Variants in ZBTB16 observed in about 807,000 individuals in gnomAD.
ZBTB16 encodes zinc finger and BTB domain containing 16, also known as zinc finger and BTB domain-containing protein 16.
A neutral mutation model predicts 56.8 loss-of-function variants in ZBTB16; 8 were observed. The observed-to-expected ratio is 0.14, with a 90% CI of 0.08 to 0.25. The LOEUF (loss-of-function observed/expected upper bound fraction) is 0.25. Ranked by LOEUF, ZBTB16 falls within the 10% of genes least tolerant of loss-of-function variation. ZBTB16 has a pLI of 1.00. For missense variants in ZBTB16, 625 were observed against 903.0 expected, an observed-to-expected ratio of 0.69 and a Z score of 3.95; for synonymous variants, 363 against 368.5, an observed-to-expected ratio of 0.98 and a Z score of 0.17.
At chr11:114,142,042 G>A (rs1941963250) in intron 2 of ZBTB16, among the ~76,000 whole-genome samples, 1 of 152,212 alleles carries the variant, frequency 6.6e-6, no homozygotes, top group Non-Finnish European at 1.5e-5. Context: ...CTCTTGGCTT[G>A]TGCTCAGGAA....
chr11:114,114,245 A>G (rs889219711), intron 2 of ZBTB16, among the ~76,000 whole-genome samples: 1 of 152,240 alleles, frequency 6.6e-6, no homozygotes, highest in African/African-American at 2.4e-5. Flanking sequence ...TGAAAGACAG[A>G]ATAATGGATG....
intron 2 of ZBTB16, among the ~76,000 whole-genome samples, chr11:114,138,668 C>G (rs1198021128): frequency 6.7e-6 from 1 of 149,590 alleles, no homozygotes. Flanking sequence ...CTCCCTTCCT[C>G]TTTTTTAATT....
At chr11:114,077,479 T>G (rs1939613084) in intron 2 of ZBTB16, among the ~76,000 whole-genome samples, 1 of 151,988 alleles carries the variant, frequency 6.6e-6, no homozygotes, top group African/African-American at 2.4e-5. Flanking sequence ...GCATTTTTTT[T>G]TCCTACTGCC....
At chr11:114,151,809 C>G (rs922349086) in intron 2 of ZBTB16, among the ~76,000 whole-genome samples, 2 of 152,214 alleles carry the variant, frequency 1.3e-5, no homozygotes, top group African/African-American at 4.8e-5. Flanking sequence ...GTGGGCCGAG[C>G]TTACCCTGCA....
At chr11:114,231,865 G>C (rs183263333) in intron 4 of ZBTB16, among the ~76,000 whole-genome samples, 6 of 152,276 alleles carry the variant, frequency 3.9e-5, no homozygotes, top group African/African-American at 1.4e-4. Context: ...TATTAGAGTG[G>C]AGAAAAACCC....
intron 1 of ZBTB16, among the ~76,000 whole-genome samples, chr11:114,062,367 T>A (rs1938915432): frequency 6.6e-6 from 1 of 151,794 alleles, no homozygotes. Context: ...CCTCCCAAAG[T>A]GCTGGGATTA....
intron 4 of ZBTB16, among the ~76,000 whole-genome samples, chr11:114,235,629 C>CCTTTCTTTCTTTCTTTCTTT (rs746433237): frequency 6.4e-4 from 63 of 97,846 alleles, no homozygotes; most frequent in South Asian, 2.8e-3. Context: ...CCTCTCCCTT[C>CCTTTCTTTCTTTCTTTCTTT]CTTTCTTTCT....
At chr11:114,138,336 G>T (rs1249517776) in intron 2 of ZBTB16, among the ~76,000 whole-genome samples, 2 of 152,142 alleles carry the variant, frequency 1.3e-5, no homozygotes, top group Non-Finnish European at 2.9e-5. Flanking sequence ...TGGTTGTGGT[G>T]TTCCCCGATG....
intron 2 of ZBTB16, among the ~76,000 whole-genome samples, chr11:114,088,851 T>C (rs550687443): frequency 2.1e-4 from 32 of 152,230 alleles, no homozygotes; most frequent in Admixed American, 2.0e-4. Flanking sequence ...GGCATCTTTA[T>C]TGTGGCAGGA....
At chr11:114,096,772 C>T (rs371552827) in intron 2 of ZBTB16, among the ~76,000 whole-genome samples, 3 of 152,198 alleles carry the variant, frequency 2.0e-5, no homozygotes, top group East Asian at 3.8e-4. Flanking sequence ...TGCGTGGCTT[C>T]CCGCTTCAGC....
intron 4 of ZBTB16, chr11:114,237,367 C>T (rs1027846129): frequency 6.6e-5 from 10 of 152,262 alleles, no homozygotes; most frequent in Admixed American, 6.5e-5. Flanking sequence ...GCTGGGACCC[C>T]TGTGCTGCTT....
chr11:114,126,002 AAAAGG>A (rs1941498609), intron 2 of ZBTB16, among the ~76,000 whole-genome samples: 1 of 152,166 alleles, frequency 6.6e-6, no homozygotes, highest in Non-Finnish European at 1.5e-5. Flanking sequence ...CCTTATTTGT[AAAAGG>A]AGAGTTCTGG....
chr11:114,108,848 T>C (rs1940898486), intron 2 of ZBTB16, among the ~76,000 whole-genome samples: 1 of 152,274 alleles, frequency 6.6e-6, no homozygotes. Context: ...TCCCGATTGC[T>C]TGGCCTGAGC....
chr11:114,180,822 A>G (rs539070285), intron 3 of ZBTB16: 2 of 152,306 alleles, frequency 1.3e-5, no homozygotes, highest in Non-Finnish European at 2.9e-5. Flanking sequence ...GTAAAGCCCA[A>G]GACAGGTGGG....
At chr11:114,245,487 TA>T (rs1280023378) in intron 5 of ZBTB16, among the ~76,000 whole-genome samples, 1 of 152,052 alleles carries the variant, frequency 6.6e-6, no homozygotes, top group Non-Finnish European at 1.5e-5. Context: ...CTCAGAGCCC[TA>T]AAAACCCCTC....
At chr11:114,211,642 G>T (rs943347628) in intron 4 of ZBTB16, among the ~76,000 whole-genome samples, 1 of 152,106 alleles carries the variant, frequency 6.6e-6, no homozygotes, top group Admixed American at 6.5e-5. Context: ...CCGCATTGGG[G>T]TGTTATTGGC....
intron 4 of ZBTB16, among the ~76,000 whole-genome samples, chr11:114,222,422 G>T (rs541472265): frequency 2.0e-5 from 3 of 152,132 alleles, no homozygotes; most frequent in South Asian, 4.1e-4. Context: ...TTTGAGAGAG[G>T]GGGAATCAGG....
chr11:114,146,278 A>T (rs1942101176), intron 2 of ZBTB16, among the ~76,000 whole-genome samples: 1 of 151,998 alleles, frequency 6.6e-6, no homozygotes, highest in African/African-American at 2.4e-5. Flanking sequence ...AATCCCAGGA[A>T]TGCTCTCGGT....
chr11:114,186,856 C>G, intron 3 of ZBTB16, 96 bp from the exon 4 acceptor site: 2 of 1,227,098 alleles, frequency 1.6e-6, no homozygotes, highest in South Asian at 2.5e-5. Context: ...TGTCCAGTCC[C>G]CTTCCCTAGT....
Sources: gnomAD v4.1 joint callset for allele counts (sites outside exome capture counted in the v4.1 genomes callset) on GRCh38, gnomAD v4.1.1 for gene constraint, MANE v1.5 for transcripts, NCBI Gene and HGNC (gene_info 2026-07-23, HGNC 2026-07-21) for gene names.